The following OXCT1 variants were observed in gnomAD, a reference collection of about 807,000 sequenced individuals.
OXCT1 encodes the protein 3-oxoacid CoA-transferase 1, also known as succinyl-CoA:3-ketoacid coenzyme A transferase 1, mitochondrial.
Under a neutral mutation model 69.6 loss-of-function variants are expected in OXCT1, and 27 were observed. The ratio of observed to expected loss-of-function variants is 0.39; its 90% CI spans 0.29 to 0.54. The LOEUF (loss-of-function observed/expected upper bound fraction) is 0.54, where lower values mean the gene tolerates loss of function less well. Among genes scored for constraint, OXCT1 ranks in the 20% least tolerant of loss-of-function variants. OXCT1 has a pLI of 0.72. For synonymous variants in OXCT1, 202 were observed against 217.8 expected (o/e 0.93, Z 0.64); for missense variants, 437 against 650.2 (o/e 0.67, Z 3.57).
chr5:41,865,079 A>G (rs1222188165), intron 1 of OXCT1, among the ~76,000 whole-genome samples: 2 of 152,146 alleles, frequency 1.3e-5, no homozygotes, highest in Non-Finnish European at 2.9e-5. Flanking sequence ...TCCCTCAAGC[A>G]TTTATCCTTT....
At chr5:41,861,110 A>C (rs1749710756) in intron 3 of OXCT1, among the ~76,000 whole-genome samples, 1 of 152,152 alleles carries the variant, frequency 6.6e-6, no homozygotes, top group African/African-American at 2.4e-5. Context: ...AGATGAAGCA[A>C]GTCTGCTTTA....
intron 13 of OXCT1, among the ~76,000 whole-genome samples, chr5:41,787,912 G>A (rs1402494886): frequency 1.3e-5 from 2 of 151,884 alleles, no homozygotes; most frequent in Non-Finnish European, 2.9e-5. Context: ...TGTCCTTCAA[G>A]CAGAAGGAAA....
intron 16 of OXCT1, 125 bp from the exon 17 acceptor site, chr5:41,731,895 T>A: frequency 8.7e-7 from 1 of 1,146,170 alleles, no homozygotes; most frequent in Non-Finnish European, 1.3e-6. Flanking sequence ...TCCCTGGAGT[T>A]TCCATATGAT....
chr5:41,829,347 G>A (rs909060698), intron 7 of OXCT1, among the ~76,000 whole-genome samples: 4 of 152,084 alleles, frequency 2.6e-5, no homozygotes, highest in Non-Finnish European at 5.9e-5. Context: ...GCCAAAAATA[G>A]CTAGGATAAA....
At chr5:41,803,911 TACTC>T (rs1050927884) in intron 9 of OXCT1, among the ~76,000 whole-genome samples, 2 of 152,084 alleles carry the variant, frequency 1.3e-5, no homozygotes, top group African/African-American at 2.4e-5. Flanking sequence ...AGATCAAAGA[TACTC>T]ACACTGCCTG....
chr5:41,807,300 T>C (rs529633360), intron 8 of OXCT1, 31 bp downstream of exon 8: 6 of 1,157,972 alleles, frequency 5.2e-6, no homozygotes, highest in East Asian at 2.3e-5. Flanking sequence ...ACTGGATCCA[T>C]GAATACTGAC....
At chr5:41,823,727 C>T (rs947297996) in intron 7 of OXCT1, among the ~76,000 whole-genome samples, 4 of 152,176 alleles carry the variant, frequency 2.6e-5, no homozygotes, top group African/African-American at 9.7e-5. Context: ...TTTAAATAAT[C>T]ATTACCAGTA....
chr5:41,828,525 A>G (rs1330577451), intron 7 of OXCT1, among the ~76,000 whole-genome samples: 4 of 152,260 alleles, frequency 2.6e-5, no homozygotes, highest in Non-Finnish European at 5.9e-5. Flanking sequence ...TCAATATGTA[A>G]TTATATCATA....
chr5:41,793,910 T>C (rs962275946), intron 13 of OXCT1, 93 bp downstream of exon 13: 1 of 795,076 alleles, frequency 1.3e-6, no homozygotes, highest in African/African-American at 1.7e-5. Flanking sequence ...ATTTCATTTT[T>C]AAAGAATCGT....
intron 14 of OXCT1, among the ~76,000 whole-genome samples, chr5:41,755,784 G>A (rs1744039008): frequency 6.6e-6 from 1 of 152,036 alleles, no homozygotes; most frequent in Non-Finnish European, 1.5e-5. Context: ...GAATCAAGGT[G>A]AAGAAATAAA....
Position 41,817,537 on chromosome 5 carries a change from T to C in OXCT1, c.733-10099A>G, listed in dbSNP as rs117608671. 2.9e-4 allele frequency among the ~76,000 whole-genome samples: 44 copies of C among 152,336 alleles called. No homozygotes were observed. In the East Asian group the frequency reaches 7.7e-3, roughly 27 times the overall value. On this transcript the variant is annotated intron_variant, in intron 7 of 16. Coordinates refer to ENST00000196371, the MANE Select transcript of OXCT1 (RefSeq NM_000436.4). Reference sequence around the variant, plus strand: ...TGAACACTCTAGATTAATGTCATCTTACTGGACATATCTGTTAAATGCAAA... The same window carrying C: ...TGAACACTCTAGATTAATGTCATCTCACTGGACATATCTGTTAAATGCAAA...
intron 16 of OXCT1, among the ~76,000 whole-genome samples, chr5:41,734,393 A>AGGT (rs1742787045): frequency 1.3e-5 from 2 of 152,346 alleles, no homozygotes; most frequent in East Asian, 3.9e-4. Context: ...TATTTTACAT[A>AGGT]GCTTAAGCAT....
chr5:41,740,950 A>AGC (rs1279270266), intron 15 of OXCT1, among the ~76,000 whole-genome samples: 2 of 137,266 alleles, frequency 1.5e-5, no homozygotes, highest in Non-Finnish European at 3.0e-5. Flanking sequence ...CAGGCCTAGA[A>AGC]TCTTTTTTTT....
chr5:41,739,538 A>C, intron 15 of OXCT1, 47 bp from the exon 16 acceptor site: 2 of 1,357,488 alleles, frequency 1.5e-6, no homozygotes, highest in Non-Finnish European at 2.1e-6. Flanking sequence ...CCATCAAAAT[A>C]ATTATTATAT....
intron 13 of OXCT1, among the ~76,000 whole-genome samples, chr5:41,793,401 G>A (rs1190681929): frequency 6.6e-6 from 1 of 152,224 alleles, no homozygotes; most frequent in Non-Finnish European, 1.5e-5. Flanking sequence ...TTAAGTCAGT[G>A]ATAACAGTCC....
At chr5:41,743,777 A>T (rs1443190263) in intron 15 of OXCT1, among the ~76,000 whole-genome samples, 1 of 152,164 alleles carries the variant, frequency 6.6e-6, no homozygotes, top group Non-Finnish European at 1.5e-5. Context: ...TTTGTCAAAG[A>T]TCAGATAGTT....
chr5:41,857,655 A>G (rs1487656337), intron 3 of OXCT1, among the ~76,000 whole-genome samples: 1 of 152,160 alleles, frequency 6.6e-6, no homozygotes, highest in Non-Finnish European at 1.5e-5. Flanking sequence ...TCCAGGTCCT[A>G]GTAACAGCTC....
chr5:41,779,703 T>G (rs1745302516), intron 13 of OXCT1, among the ~76,000 whole-genome samples: 1 of 151,284 alleles, frequency 6.6e-6, no homozygotes. Flanking sequence ...TATTTTCATG[T>G]AAAGTTTAGA....
chr5:41,798,662 C>A (rs1023101139), intron 11 of OXCT1, among the ~76,000 whole-genome samples: 1 of 152,154 alleles, frequency 6.6e-6, no homozygotes, highest in African/African-American at 2.4e-5. Context: ...ATTTAAAATA[C>A]TGTATATTAA....
Sources: gnomAD v4.1 joint callset for allele counts (sites outside exome capture counted in the v4.1 genomes callset) on GRCh38, gnomAD v4.1.1 for gene constraint, MANE v1.5 for transcripts, NCBI Gene and HGNC (gene_info 2026-07-23, HGNC 2026-07-21) for gene names.